CCDC141: variants seen among roughly 807,000 people sequenced by gnomAD.
CCDC141 encodes coiled-coil domain containing 141.
Under a neutral mutation model 181.0 loss-of-function variants are expected in CCDC141, and 168 were observed. The ratio of observed to expected loss-of-function variants is 0.93; its 90% CI spans 0.82 to 1.05. The LOEUF (loss-of-function observed/expected upper bound fraction) is 1.05. Ranked by LOEUF, CCDC141 falls within the 50% of genes least tolerant of loss-of-function variation. The probability of loss-of-function intolerance (pLI) is 0.00; values close to 1 mark genes in which losing one functional copy is unlikely to be tolerated. For synonymous variants in CCDC141, 666 were observed against 642.3 expected, an observed-to-expected ratio of 1.04 and a Z score of -0.56; for missense variants, 1,902 against 1,788.5, an observed-to-expected ratio of 1.06 and a Z score of -1.14.
chr2:178,967,688 G>T lies in CCDC141; in HGVS notation c.527-6205C>A, dbSNP rs568251366. Among the ~76,000 whole-genome samples, 81 of 152,010 alleles carry T rather than the reference G, an allele frequency of 5.3e-4. 2 individuals carry two copies. In the South Asian group the frequency reaches 0.016, roughly 30 times the overall value. ...TACGAAGAAACTGCATCAACTAACGGGCAAAACAACCAGCTAGCATCATAA... is the reference window on the plus strand; with the variant it reads ...TACGAAGAAACTGCATCAACTAACGTGCAAAACAACCAGCTAGCATCATAA... On this transcript the variant is annotated intron_variant, in intron 4 of 23. Coordinates refer to ENST00000443758, the MANE Select transcript of CCDC141 (RefSeq NM_173648.4).
At chr2:178,949,330 C>T (rs1439501897) in intron 5 of CCDC141, among the ~76,000 whole-genome samples, 1 of 152,136 alleles carries the variant, frequency 6.6e-6, no homozygotes, top group Non-Finnish European at 1.5e-5. Flanking sequence ...TTTCAACCAA[C>T]CTTTGCACCC....
chr2:179,036,386 ACT>A (rs1266152156), intron 2 of CCDC141, among the ~76,000 whole-genome samples: 1 of 152,128 alleles, frequency 6.6e-6, no homozygotes, highest in Non-Finnish European at 1.5e-5. Context: ...GACACCGTAG[ACT>A]CTCTTAAATC....
chr2:179,045,739 G>C (rs1273814794), intron 2 of CCDC141, among the ~76,000 whole-genome samples: 1 of 152,096 alleles, frequency 6.6e-6, no homozygotes, highest in African/African-American at 2.4e-5. Flanking sequence ...TTGTGGTTTT[G>C]ATTTGCATTT....
chr2:178,954,432 T>C (rs1455664706), intron 5 of CCDC141, among the ~76,000 whole-genome samples: 4 of 152,232 alleles, frequency 2.6e-5, no homozygotes, highest in Non-Finnish European at 5.9e-5. Flanking sequence ...TTTATGAGGC[T>C]ATCACATCCC....
chr2:178,943,564 T>C (rs1198793329), intron 6 of CCDC141, among the ~76,000 whole-genome samples: 1 of 152,198 alleles, frequency 6.6e-6, no homozygotes, highest in Non-Finnish European at 1.5e-5. Flanking sequence ...TCTAGTAGTG[T>C]TGGCCCATTG....
intron 6 of CCDC141, among the ~76,000 whole-genome samples, chr2:178,925,455 G>T (rs1043142972): frequency 1.3e-5 from 2 of 152,184 alleles, no homozygotes; most frequent in African/African-American, 4.8e-5. Flanking sequence ...ATTTGAAAAT[G>T]AAATCACAAC....
intron 2 of CCDC141, among the ~76,000 whole-genome samples, chr2:178,997,841 G>A: frequency 6.6e-6 from 1 of 152,148 alleles, no homozygotes; most frequent in East Asian, 1.9e-4. Flanking sequence ...AGGCAAACTT[G>A]AGGATAGGAT....
chr2:178,941,316 T>G (rs1206396895), intron 6 of CCDC141, among the ~76,000 whole-genome samples: 1 of 152,186 alleles, frequency 6.6e-6, no homozygotes, highest in East Asian at 1.9e-4. Context: ...CCCTTGTGCA[T>G]ATACACTGAT....
intron 2 of CCDC141, among the ~76,000 whole-genome samples, chr2:178,982,624 G>C (rs572535178): frequency 7.3e-6 from 1 of 136,890 alleles, no homozygotes; most frequent in African/African-American, 2.8e-5. Flanking sequence ...TGTGCGAACC[G>C]AAGCAGAGCG....
At position 178,884,266 on chromosome 2, in the gene CCDC141, G is replaced by A. The variant is rs1452895800; in HGVS notation, c.1719+635C>T. Reference sequence around the variant, plus strand: ...AAAAAAAAAAAAAAACCAGAATCTCGGGACCCCAAACTCACTATGACCAAG... The same window carrying A: ...AAAAAAAAAAAAAAACCAGAATCTCAGGACCCCAAACTCACTATGACCAAG... On this transcript the variant is annotated intron_variant, in intron 11 of 23. Coordinates refer to ENST00000443758, the MANE Select transcript of CCDC141 (RefSeq NM_173648.4). 7.4e-5 allele frequency among the ~76,000 whole-genome samples: 11 copies of A among 148,804 alleles called. No homozygotes were observed. The East Asian group carries it at 9.8e-4, about 13-fold the overall frequency.
rs186440385 is a variant in CCDC141 at position 178,923,396 on chromosome 2, G to A, written c.898-4489C>T. Among the ~76,000 whole-genome samples, 10 of 152,224 alleles carry A rather than the reference G, an allele frequency of 6.6e-5. No individual in the cohort carries two copies. The East Asian group carries it at 1.4e-3, about 21-fold the overall frequency. Reference sequence around the variant, plus strand: ...TGGGATTACAGGCGTGAGCCACCGCGCCCGGCCCCACCAGTTTATTTTTAA... The same window carrying A: ...TGGGATTACAGGCGTGAGCCACCGCACCCGGCCCCACCAGTTTATTTTTAA... On this transcript the variant is annotated intron_variant, in intron 6 of 23. Transcript: ENST00000443758.
chr2:178,941,958 C>CAAAAAAAAAAAA (rs66903231), intron 6 of CCDC141, among the ~76,000 whole-genome samples: 1 of 71,490 alleles, frequency 1.4e-5, no homozygotes, highest in Non-Finnish European at 2.3e-5. Context: ...GATCCCATCT[C>CAAAAAAAAAAAA]AAAAAAAAAA....
rs1292099701 is a variant in CCDC141, at chr2:178,833,533, T to C, written c.*640A>G. On this transcript the variant is annotated 3_prime_UTR_variant, in exon 24 of 24. Coordinates refer to ENST00000443758, the MANE Select transcript of CCDC141 (RefSeq NM_173648.4). ...CATCTTGCTGTATGACATGCAGAGC[T>C]GACAAAAGATGGAAACTCTATTTAA... 1 of 152,456 alleles carries C rather than the reference T, an allele frequency of 6.6e-6. No homozygotes were observed. Among genetic ancestry groups the C allele is most frequent in the East Asian group, 1.9e-4 (1 of 5,206 alleles). The allele number at this position is 152,456 out of a possible 1,614,324, so 9.4% of individuals were successfully genotyped here.
In CCDC141 at chr2:178,845,606, G is replaced by T; in HGVS notation, c.3474+20C>A. The stretch of plus-strand genomic sequence containing the variant: ...CAAAGCAAAAGTCCTCAATAGCTGA[G>T]GTTAAGTAGTTTTCTTTACCTTATT... On this transcript the variant is annotated intron_variant, in intron 22 of 23. Coordinates refer to ENST00000443758, the MANE Select transcript of CCDC141 (RefSeq NM_173648.4). 1 of 1,334,264 alleles carries T rather than the reference G, an allele frequency of 7.5e-7. No individual in the cohort carries two copies. Among genetic ancestry groups the T allele is most frequent in the Non-Finnish European group, 1.1e-6 (1 of 925,940 alleles). 82.7% of individuals were successfully genotyped at this position (1,334,264 alleles called of 1,614,324 possible).
At chr2:178,902,772 A>C (rs962302973) in intron 8 of CCDC141, among the ~76,000 whole-genome samples, 4 of 149,882 alleles carry the variant, frequency 2.7e-5, no homozygotes, top group Admixed American at 2.1e-4. Context: ...TAATTAAACT[A>C]AAGAGCTTCT....
intron 5 of CCDC141, among the ~76,000 whole-genome samples, chr2:178,947,360 G>T (rs545214280): frequency 2.8e-4 from 43 of 152,318 alleles, no homozygotes; most frequent in Non-Finnish European, 5.6e-4. Context: ...TGAGCCACAA[G>T]CTGAGGAGAT....
chr2:179,023,954 T>C (rs2042759624), intron 2 of CCDC141, among the ~76,000 whole-genome samples: 1 of 152,196 alleles, frequency 6.6e-6, no homozygotes, highest in East Asian at 1.9e-4. Context: ...ACCACATTAA[T>C]GTGACACTGT....
chr2:178,819,206 A>T, the CCDC141 span, among the ~76,000 whole-genome samples: 4 of 152,188 alleles, frequency 2.6e-5, no homozygotes, highest in Non-Finnish European at 5.9e-5. Context: ...AAAAAATGAT[A>T]ACCTACACAA....
the CCDC141 span, among the ~76,000 whole-genome samples, chr2:178,815,493 A>G: frequency 1.4e-3 from 216 of 152,256 alleles, no homozygotes; most frequent in African/African-American, 5.0e-3. Context: ...AACACTTATC[A>G]TCTGTAATGT....
Sources: allele counts gnomAD v4.1 joint callset (sites outside exome capture counted in the v4.1 genomes callset), GRCh38; gene constraint gnomAD v4.1.1; transcripts MANE v1.5; gene names NCBI Gene and HGNC (gene_info 2026-07-23, HGNC 2026-07-21).